Variants in TMEM47 observed in about 807,000 individuals in gnomAD.
TMEM47 encodes the protein brain cell membrane protein 1.
TMEM47 carries 3 observed loss-of-function variants against 12.4 expected under a neutral mutation model. That is an observed-to-expected ratio of 0.24 (90% confidence interval 0.11 to 0.63). TMEM47 has a LOEUF of 0.63. Among genes scored for constraint, TMEM47 ranks in the 20% least tolerant of loss-of-function variants. The probability of loss-of-function intolerance (pLI) is 0.86; values close to 1 mark genes in which losing one functional copy is unlikely to be tolerated. For missense variants in TMEM47, 89 were observed against 143.8 expected (o/e 0.62, Z 1.95); for synonymous variants, 62 against 63.3 (o/e 0.98, Z 0.10).
At chrX:34,635,324 T>G (rs1380023914) in intron 2 of TMEM47, among the ~76,000 whole-genome samples, 1 of 112,080 alleles carries the variant, frequency 8.9e-6, no homozygotes, top group Non-Finnish European at 1.9e-5. Context: ...TAATGTAACC[T>G]TTTAATGGCT....
intron 1 of TMEM47, among the ~76,000 whole-genome samples, chrX:34,639,701 T>C (rs1332400125): frequency 1.8e-5 from 2 of 111,754 alleles, no homozygotes; most frequent in Non-Finnish European, 3.8e-5. Flanking sequence ...ATGATTTAAA[T>C]TTTTATCGAG....
chrX:34,630,935 G>T (rs914257155), intron 2 of TMEM47, among the ~76,000 whole-genome samples: 1 of 108,277 alleles, frequency 9.2e-6, no homozygotes, highest in Admixed American at 1.0e-4. Context: ...CACTTTGGGA[G>T]GCCCAGGCAG....
intron 2 of TMEM47, among the ~76,000 whole-genome samples, chrX:34,633,475 G>C (rs1466861117): frequency 9.0e-6 from 1 of 111,480 alleles, no homozygotes; most frequent in Non-Finnish European, 1.9e-5. Context: ...GCAGTACAGA[G>C]AGCAGGAAGG....
At chrX:34,647,475 T>C (rs911216138) in intron 1 of TMEM47, among the ~76,000 whole-genome samples, 2 of 111,548 alleles carry the variant, frequency 1.8e-5, no homozygotes, top group Admixed American at 9.5e-5. Flanking sequence ...GACAAAGGTG[T>C]TATAGATATT....
intron 1 of TMEM47, among the ~76,000 whole-genome samples, chrX:34,639,709 G>C (rs1030013622): frequency 1.6e-4 from 18 of 111,076 alleles, no homozygotes; most frequent in African/African-American, 5.9e-4. Context: ...AATTTTTATC[G>C]AGCAATAAAG....
At chrX:34,637,424 T>C (rs1921737194) in intron 2 of TMEM47, among the ~76,000 whole-genome samples, 1 of 111,586 alleles carries the variant, frequency 9.0e-6, no homozygotes, top group African/African-American at 3.3e-5. Flanking sequence ...GTATATTTTA[T>C]AACACCAAGA....
At chrX:34,647,556 T>C (rs1439235674) in intron 1 of TMEM47, among the ~76,000 whole-genome samples, 2 of 111,566 alleles carry the variant, frequency 1.8e-5, no homozygotes, top group Middle Eastern at 4.6e-3. Flanking sequence ...TCAGTGTCCA[T>C]GATTAGAATA....
intron 1 of TMEM47, among the ~76,000 whole-genome samples, chrX:34,642,364 C>T (rs747708736): frequency 8.9e-6 from 1 of 112,034 alleles, no homozygotes; most frequent in Non-Finnish European, 1.9e-5. Context: ...ACCAATATAG[C>T]GAGAGAAAAT....
chrX:34,633,122 C>T (rs369524648), intron 2 of TMEM47, among the ~76,000 whole-genome samples: 21 of 92,009 alleles, frequency 2.3e-4, no homozygotes, highest in African/African-American at 9.0e-4. Context: ...GTTTCTAAAG[C>T]GATACAGTTT....
chrX:34,642,412 C>T (rs1274621340), intron 1 of TMEM47, among the ~76,000 whole-genome samples: 3 of 112,026 alleles, frequency 2.7e-5, no homozygotes, highest in African/African-American at 9.7e-5. Context: ...TACATTTCCT[C>T]AATATAGCAA....
chrX:34,639,482 A>G, intron 1 of TMEM47, 95 bp from the exon 2 acceptor site: 1 of 880,021 alleles, frequency 1.1e-6, no homozygotes, highest in Non-Finnish European at 1.6e-6. Flanking sequence ...GGCTCAACAG[A>G]TGTGATTTTA....
chrX:34,644,466 A>T (rs1237360877), intron 1 of TMEM47, among the ~76,000 whole-genome samples: 1 of 112,314 alleles, frequency 8.9e-6, no homozygotes, highest in Admixed American at 9.4e-5. Context: ...AGAAAAGACA[A>T]AATTTTAACA....
At chrX:34,647,217 A>C (rs16991447) in intron 1 of TMEM47, among the ~76,000 whole-genome samples, 3,619 of 111,461 alleles carry the variant, frequency 0.032, 128 homozygotes, top group African/African-American at 0.11. Flanking sequence ...ATTCTGGTGA[A>C]TATTTGGTTT....
At chrX:34,640,168 G>A (rs1312516769) in intron 1 of TMEM47, among the ~76,000 whole-genome samples, 1 of 111,429 alleles carries the variant, frequency 9.0e-6, no homozygotes, top group Non-Finnish European at 1.9e-5. Context: ...TTTCACTGCT[G>A]TATTTACCAT....
intron 2 of TMEM47, among the ~76,000 whole-genome samples, chrX:34,634,333 C>T (rs1039527286): frequency 1.8e-5 from 2 of 111,267 alleles, no homozygotes; most frequent in Non-Finnish European, 1.9e-5. Context: ...GGAATGTAGA[C>T]CTACTAATTC....
intron 2 of TMEM47, among the ~76,000 whole-genome samples, chrX:34,636,114 A>T (rs1222399941): frequency 8.9e-6 from 1 of 112,010 alleles, no homozygotes; most frequent in Non-Finnish European, 1.9e-5. Flanking sequence ...TTAACATGTA[A>T]TCTAAATATC....
intron 1 of TMEM47, among the ~76,000 whole-genome samples, chrX:34,654,454 CCACACAG>C (rs774391884): frequency 9.8e-5 from 11 of 112,015 alleles, no homozygotes; most frequent in Non-Finnish European, 1.9e-4. Flanking sequence ...TTCTGCTACT[CCACACAG>C]CAAACAGACG....
intron 1 of TMEM47, among the ~76,000 whole-genome samples, chrX:34,650,607 A>C (rs189927359): frequency 1.1e-3 from 118 of 112,177 alleles, no homozygotes; most frequent in African/African-American, 3.6e-3. Flanking sequence ...AGCACTATAA[A>C]ACTTGGCTCC....
chrX:34,631,170 C>CAAAAAAAAAAAAAAAAAAAAA (rs34845525), intron 2 of TMEM47, among the ~76,000 whole-genome samples: 1 of 18,565 alleles, frequency 5.4e-5, no homozygotes, highest in Non-Finnish European at 7.7e-5. Flanking sequence ...GACTCTGTCT[C>CAAAAAAAAAAAAAAAAAAAAA]AAAAAAAAAA....
Sources: allele counts gnomAD v4.1 joint callset (sites outside exome capture counted in the v4.1 genomes callset), GRCh38; gene constraint gnomAD v4.1.1; transcripts MANE v1.5; gene names NCBI Gene and HGNC (gene_info 2026-07-23, HGNC 2026-07-21).